RMND1: variants seen among roughly 807,000 people sequenced by gnomAD.
RMND1 encodes required for meiotic nuclear division 1 homolog, also known as required for meiotic nuclear division protein 1 homolog.
RMND1 carries 41 observed loss-of-function variants against 54.0 expected under a neutral mutation model. The observed-to-expected ratio is 0.76, with a 90% CI of 0.59 to 0.98. The LOEUF is 0.98. Ranked by LOEUF, RMND1 falls within the 50% of genes least tolerant of loss-of-function variation. The pLI is 0.00. For synonymous variants in RMND1, 183 were observed against 181.7 expected, an observed-to-expected ratio of 1.01 and a Z score of -0.06; for missense variants, 457 against 532.0, an observed-to-expected ratio of 0.86 and a Z score of 1.39.
At chr6:151,412,880 CATGAGAAATCTACCCTGATG>C (rs1387913419) in intron 10 of RMND1, among the ~76,000 whole-genome samples, 2 of 152,166 alleles carry the variant, frequency 1.3e-5, no homozygotes, top group Non-Finnish European at 2.9e-5. Flanking sequence ...CCAAACCACT[CATGAGAAATCTACCCTGATG>C]ATCCAGTCAC....
intron 1 of RMND1, chr6:151,446,028 C>T (rs1780943718): frequency 2.0e-6 from 1 of 511,728 alleles, no homozygotes; most frequent in Non-Finnish European, 3.4e-6. Flanking sequence ...GGCCTTCTTC[C>T]TGGAAGATTA....
Position 151,433,220 on chromosome 6 carries a change from A to G in RMND1, c.624T>C (p.Asn208=). Residue 208 remains asparagine, a synonymous_variant, in exon 4 of 12, where the codon AAT becomes AAC. Coordinates refer to ENST00000444024, the MANE Select transcript of RMND1 (RefSeq NM_017909.4). ...AATTTTCCACACCCATCACCAAAAT[A>G]TTTGCTGCATCTGTGATTTAAAATA... ...EVTSLPRDAA[N]ILVMGVENSA... is the part of the protein sequence containing the mutation. 1 of 1,609,878 alleles carries G rather than the reference A, an allele frequency of 6.2e-7. No homozygotes were observed. Among genetic ancestry groups the G allele is most frequent in the Non-Finnish European group, 8.5e-7 (1 of 1,177,528 alleles).
intron 2 of RMND1, among the ~76,000 whole-genome samples, chr6:151,442,443 CG>C (rs1320226379): frequency 2.0e-5 from 3 of 152,194 alleles, no homozygotes; most frequent in Non-Finnish European, 4.4e-5. Context: ...TCCCTGGTGT[CG>C]GGCTCCATGC....
In RMND1 at chr6:151,438,723, C is replaced by T. The variant is rs80197013; in HGVS notation, c.505-2169G>A. Among the ~76,000 whole-genome samples, 1,351 of 152,160 alleles carry T rather than the reference C, an allele frequency of 8.9e-3. 20 individuals carry two copies. The highest frequency in any genetic ancestry group is 0.03 in the African/African-American group (1,265 of 41,482). On this transcript the variant is annotated intron_variant, in intron 2 of 11. Transcript: ENST00000444024. ...TCCAGCCCACACTGTCCCTGCCTCTCCCTGTTGTCTCACGTCTGCTTCACC... is the reference window on the plus strand; with the variant it reads ...TCCAGCCCACACTGTCCCTGCCTCTTCCTGTTGTCTCACGTCTGCTTCACC...
At chr6:151,427,375 C>CA (rs201656504) in intron 6 of RMND1, 107 bp downstream of exon 6, 60,658 of 469,552 alleles carry the variant, frequency 0.13, 341 homozygotes, top group East Asian at 0.31. Flanking sequence ...GACTCCGTCT[C>CA]AAAAAAAAAA....
chr6:151,448,295 A>G (rs1235037959), intron 1 of RMND1, among the ~76,000 whole-genome samples: 1 of 151,974 alleles, frequency 6.6e-6, no homozygotes, highest in African/African-American at 2.4e-5. Flanking sequence ...CTATTACCCA[A>G]TTCCAATAAT....
Position 151,405,836 on chromosome 6 carries a change from C to A in RMND1, c.1201G>T (p.Val401Phe), listed in dbSNP as rs760172783. ...CAGTGCTGAAGTTTTTCATTCATGA[C>A]CTATGTAAGAAAAATTTCAGTAACA... ...QFLSIGRRVK[V>F]MNEKLQHCME... is the part of the protein sequence containing the mutation. The change falls in exon 11 of 12, where the codon GTC becomes TTC. Residue 401 changes from valine to phenylalanine, a missense_variant and splice_region_variant. Transcript: ENST00000444024. 1 of 1,549,164 alleles carries A rather than the reference C, an allele frequency of 6.5e-7. No individual in the cohort carries two copies.
At chr6:151,435,211 T>C (rs752398446) in intron 3 of RMND1, among the ~76,000 whole-genome samples, 3 of 152,094 alleles carry the variant, frequency 2.0e-5, no homozygotes, top group Non-Finnish European at 4.4e-5. Flanking sequence ...AGTGGCATGA[T>C]CTCAGCTCAC....
chr6:151,437,365 C>T (rs574173654), intron 2 of RMND1, among the ~76,000 whole-genome samples: 6 of 152,190 alleles, frequency 3.9e-5, no homozygotes, highest in African/African-American at 9.6e-5. Context: ...TACTCTAGGT[C>T]GCTATGTATG....
chr6:151,451,748 T>C (rs1036054003), intron 1 of RMND1, among the ~76,000 whole-genome samples: 3 of 152,210 alleles, frequency 2.0e-5, no homozygotes, highest in Non-Finnish European at 4.4e-5. Context: ...GTGGCGCTCA[T>C]CTTTGGGAGT....
In RMND1 at chr6:151,422,617, A is replaced by G; in HGVS notation, c.938-12T>C. ...AATTGCCAGTTTTACTGGGAAAAAA[A>G]TTAATAATGGAACATTTCTTTATCA... On this transcript the variant is annotated splice_polypyrimidine_tract_variant and intron_variant, in intron 7 of 11. Coordinates refer to ENST00000444024, the MANE Select transcript of RMND1 (RefSeq NM_017909.4). The G allele has an allele frequency of 1.4e-6, 2 of 1,381,350 alleles. No homozygotes were observed. Among genetic ancestry groups the G allele is most frequent in the Non-Finnish European group, 2.0e-6 (2 of 1,003,732 alleles). The allele number at this position is 1,381,350 out of a possible 1,614,324, so 85.6% of individuals were successfully genotyped here.
At chr6:151,422,342 G>A (rs1410432918) in intron 8 of RMND1, among the ~76,000 whole-genome samples, 199 bp downstream of exon 8, 1 of 152,102 alleles carries the variant, frequency 6.6e-6, no homozygotes, top group Non-Finnish European at 1.5e-5. Context: ...GTATACATGA[G>A]GATATGCATA....
At chr6:151,426,349 G>A (rs1469515498) in intron 6 of RMND1, among the ~76,000 whole-genome samples, 2 of 152,052 alleles carry the variant, frequency 1.3e-5, no homozygotes, top group Admixed American at 6.6e-5. Flanking sequence ...CCTCTGTCTC[G>A]GCCCTAACAT....
At chr6:151,433,858 A>G (rs997425122) in intron 3 of RMND1, among the ~76,000 whole-genome samples, 1 of 138,874 alleles carries the variant, frequency 7.2e-6, no homozygotes, top group African/African-American at 2.6e-5. Flanking sequence ...TTTTTGAGAC[A>G]GGGTCTTGCT....
Position 151,422,600 on chromosome 6 carries a change from G to A in RMND1, c.943C>T (p.Leu315=). The part of the protein sequence containing the change: ...FSNALCLSVK[L]AIWEASLDKF... ...TCCAGTGATGCTTCCCAAATTGCCA[G>A]TTTTACTGGGAAAAAAATTAATAAT... The change falls in exon 8 of 12, where the codon CTG becomes TTG. Residue 315 remains leucine, a synonymous_variant. Transcript: ENST00000444024. 6.7e-7 allele frequency: 1 copy of A among 1,494,204 alleles called. No individual in the cohort carries two copies. The highest frequency in any genetic ancestry group is 1.4e-5 in the African/African-American group (1 of 71,566). 92.6% of individuals were successfully genotyped at this position (1,494,204 alleles called of 1,614,324 possible).
intron 10 of RMND1, 37 bp downstream of exon 10, chr6:151,417,242 G>A (rs201033760): frequency 1.0e-5 from 16 of 1,575,638 alleles, no homozygotes; most frequent in South Asian, 9.4e-5. Flanking sequence ...AGGCGACAAC[G>A]TGTCTTTTTC....
intron 6 of RMND1, among the ~76,000 whole-genome samples, chr6:151,424,879 T>C (rs565848621): frequency 1.4e-5 from 2 of 145,072 alleles, no homozygotes; most frequent in East Asian, 3.9e-4. Flanking sequence ...ACAAGGGGCC[T>C]GATGGAGGGC....
At chr6:151,406,152 G>A (rs1779612733) in intron 10 of RMND1, among the ~76,000 whole-genome samples, 2 of 152,116 alleles carry the variant, frequency 1.3e-5, no homozygotes, top group Admixed American at 1.3e-4. Context: ...GAAACATAAT[G>A]TTTTTTAGCA....
At chr6:151,430,333 C>T (rs1294250076) in intron 4 of RMND1, 156 bp from the exon 5 acceptor site, 1 of 527,584 alleles carries the variant, frequency 1.9e-6, no homozygotes, top group African/African-American at 1.9e-5. Context: ...CTTAGGTGAA[C>T]TTCCTACAAT....
Sources: allele counts gnomAD v4.1 joint callset (sites outside exome capture counted in the v4.1 genomes callset), GRCh38; gene constraint gnomAD v4.1.1; transcripts MANE v1.5; gene names NCBI Gene and HGNC (gene_info 2026-07-23, HGNC 2026-07-21).